DAPP1: variants seen among roughly 807,000 people sequenced by gnomAD.
The protein encoded by DAPP1 is dual adapter for phosphotyrosine and 3-phosphotyrosine and 3-phosphoinositide.
DAPP1 carries 20 observed loss-of-function variants against 41.5 expected under a neutral mutation model. The ratio of observed to expected loss-of-function variants is 0.48; its 90% CI spans 0.34 to 0.70. The LOEUF (loss-of-function observed/expected upper bound fraction) is 0.70, where lower values mean the gene tolerates loss of function less well. Ranked by LOEUF, DAPP1 falls within the 30% of genes least tolerant of loss-of-function variation. DAPP1 has a pLI of 0.01. For missense variants in DAPP1, 233 were observed against 333.4 expected (o/e 0.70, Z 2.35); for synonymous variants, 113 against 116.2 (o/e 0.97, Z 0.18).
At chr4:99,864,468 G>A (rs979578145) in intron 7 of DAPP1, among the ~76,000 whole-genome samples, 1 of 151,586 alleles carries the variant, frequency 6.6e-6, no homozygotes, top group African/African-American at 2.4e-5. Flanking sequence ...AGACATCATG[G>A]CACTTTATTC....
intron 3 of DAPP1, among the ~76,000 whole-genome samples, chr4:99,845,487 G>C (rs546890498): frequency 6.6e-6 from 1 of 152,176 alleles, no homozygotes; most frequent in African/African-American, 2.4e-5. Flanking sequence ...GCACAGCATG[G>C]CCTTTAATAA....
chr4:99,827,545 ACAAAAAAACAAAAC>A lies in DAPP1; in HGVS notation c.102-8077_102-8064del, dbSNP rs1722977286. Among the ~76,000 whole-genome samples, 5 of 118,628 alleles carry A rather than the reference ACAAAAAAACAAAAC, an allele frequency of 4.2e-5. No homozygotes were observed. In the South Asian group the frequency reaches 9.6e-4, roughly 23 times the overall value. 77.8% of individuals were successfully genotyped at this position (118,628 alleles called of 152,430 possible). A position where few individuals can be genotyped will look rare whatever the true frequency, so the allele number is the denominator to read the frequency against. The stretch of plus-strand genomic sequence containing the variant: ...CAGACTACGTCTCAAAAAAAAAACA[ACAAAAAAACAAAAC>A]AAAAAACACCATCACACTTATAAGT... On this transcript the variant is annotated intron_variant, in intron 1 of 8. Transcript: ENST00000512369.
intron 2 of DAPP1, among the ~76,000 whole-genome samples, chr4:99,837,155 G>T (rs187473409): frequency 6.6e-6 from 1 of 152,220 alleles, no homozygotes; most frequent in Admixed American, 6.5e-5. Context: ...GTTTTACAGG[G>T]CTCATGTGAT....
intron 4 of DAPP1, among the ~76,000 whole-genome samples, chr4:99,857,595 G>A (rs958922551): frequency 7.3e-5 from 11 of 150,106 alleles, no homozygotes; most frequent in East Asian, 3.9e-4. Flanking sequence ...TTCCTTGCAC[G>A]TTGCCCTTTT....
chr4:99,842,322 A>G (rs1723520998), intron 3 of DAPP1, among the ~76,000 whole-genome samples: 1 of 152,224 alleles, frequency 6.6e-6, no homozygotes, highest in Non-Finnish European at 1.5e-5. Context: ...ATTTATTACA[A>G]TATAACTCAG....
chr4:99,829,655 C>T (rs1257971100), intron 1 of DAPP1, among the ~76,000 whole-genome samples: 1 of 152,038 alleles, frequency 6.6e-6, no homozygotes, highest in Non-Finnish European at 1.5e-5. Context: ...TCCTCACCAA[C>T]AATTATAAAA....
intron 3 of DAPP1, among the ~76,000 whole-genome samples, chr4:99,852,146 C>T (rs184849994): frequency 6.6e-6 from 1 of 152,012 alleles, no homozygotes; most frequent in Non-Finnish European, 1.5e-5. Flanking sequence ...AACATAAGCT[C>T]GATAAGAGCA....
chr4:99,829,807 A>G (rs758454070), intron 1 of DAPP1, among the ~76,000 whole-genome samples: 24 of 152,198 alleles, frequency 1.6e-4, no homozygotes, highest in Non-Finnish European at 2.5e-4. Context: ...ACATGAAGAG[A>G]CAATCAAATA....
intron 1 of DAPP1, among the ~76,000 whole-genome samples, chr4:99,832,313 G>A (rs1463424974): frequency 6.6e-6 from 1 of 152,188 alleles, no homozygotes; most frequent in Admixed American, 6.5e-5. Flanking sequence ...CTTATCAAAG[G>A]TGGACATATT....
At chr4:99,844,873 TTAAA>T (rs1258158243) in intron 3 of DAPP1, among the ~76,000 whole-genome samples, 2 of 152,248 alleles carry the variant, frequency 1.3e-5, no homozygotes, top group Non-Finnish European at 2.9e-5. Flanking sequence ...GGTGATATTT[TTAAA>T]TAATGTGGTT....
chr4:99,839,008 C>T (rs62305038), intron 2 of DAPP1, among the ~76,000 whole-genome samples: 49,542 of 151,930 alleles, frequency 0.33, 8,641 homozygotes, highest in African/African-American at 0.43. Flanking sequence ...AGAGAAAGAC[C>T]GTTTCAGGAA....
At chr4:99,851,084 T>A (rs534802102) in intron 3 of DAPP1, among the ~76,000 whole-genome samples, 10 of 152,242 alleles carry the variant, frequency 6.6e-5, no homozygotes, top group African/African-American at 9.6e-5. Flanking sequence ...AGCGCTGAAT[T>A]TACCATGCAT....
At chr4:99,819,747 G>A (rs556520879) in intron 1 of DAPP1, among the ~76,000 whole-genome samples, 22 of 151,608 alleles carry the variant, frequency 1.5e-4, no homozygotes, top group African/African-American at 4.6e-4. Context: ...AAATCCTTAC[G>A]TTTATGTTTT....
intron 3 of DAPP1, among the ~76,000 whole-genome samples, chr4:99,846,509 A>G (rs1723668876): frequency 6.6e-6 from 1 of 152,226 alleles, no homozygotes; most frequent in African/African-American, 2.4e-5. Context: ...GATTCTTAGC[A>G]TAGTATAAGT....
At position 99,869,234 on chromosome 4, in the gene DAPP1, A is replaced by T. The variant is rs1724566039; in HGVS notation, c.*1049A>T. 1 of 152,244 alleles carries T rather than the reference A, an allele frequency of 6.6e-6. No homozygotes were observed. The highest frequency in any genetic ancestry group is 1.5e-5 in the Non-Finnish European group (1 of 68,042). 9.4% of individuals were successfully genotyped at this position (152,244 alleles called of 1,614,324 possible). On this transcript the variant is annotated 3_prime_UTR_variant, in exon 9 of 9. Coordinates refer to ENST00000512369, the MANE Select transcript of DAPP1 (RefSeq NM_014395.3). ...GAGTAACACTAAAGCTACAAGAAAT[A>T]TGTAATAATGATAGGTAATAATGTG...
Position 99,869,571 on chromosome 4 carries a change from G to A in DAPP1, c.*1386G>A, listed in dbSNP as rs1724576134. 6.6e-6 allele frequency: 1 copy of A among 152,138 alleles called. No individual in the cohort carries two copies. The highest frequency in any genetic ancestry group is 1.5e-5 in the Non-Finnish European group (1 of 68,030). The allele number at this position is 152,138 out of a possible 1,614,324, so 9.4% of individuals were successfully genotyped here. A position where few individuals can be genotyped will look rare whatever the true frequency, so the allele number is the denominator to read the frequency against. ...TTCAACAACATTTTAAATGTATTTT[G>A]TTATGTTTGTATTATATAGGATAAA... On this transcript the variant is annotated 3_prime_UTR_variant, in exon 9 of 9. Transcript: ENST00000512369.
At chr4:99,862,769 C>T (rs1724284458) in intron 5 of DAPP1, among the ~76,000 whole-genome samples, 1 of 151,056 alleles carries the variant, frequency 6.6e-6, no homozygotes, top group African/African-American at 2.4e-5. Flanking sequence ...TATTTTGAAA[C>T]TTTTTTCTCA....
chr4:99,834,857 C>T lies in DAPP1; in HGVS notation c.102-766C>T, dbSNP rs780951286. Among the ~76,000 whole-genome samples the T allele has an allele frequency of 3.3e-4, 50 of 152,164 alleles. 1 individual carries two copies. Among genetic ancestry groups the T allele is most frequent in the Non-Finnish European group, 5.0e-4 (34 of 68,012 alleles). ...AACAGGATTGGTTCCTTCCGAGGGC[C>T]GTGAGGGAGAATCTGTTCCAGGCCT... is the stretch of plus-strand genomic sequence containing the variant. On this transcript the variant is annotated intron_variant, in intron 1 of 8. Transcript: ENST00000512369.
At chr4:99,858,849 A>G (rs542218461) in intron 4 of DAPP1, among the ~76,000 whole-genome samples, 1 of 152,006 alleles carries the variant, frequency 6.6e-6, no homozygotes, top group Non-Finnish European at 1.5e-5. Context: ...CCAGTCGGGG[A>G]AAGAGCCCTT....
Sources: gnomAD v4.1 joint callset for allele counts (sites outside exome capture counted in the v4.1 genomes callset) on GRCh38, gnomAD v4.1.1 for gene constraint, MANE v1.5 for transcripts, NCBI Gene and HGNC (gene_info 2026-07-23, HGNC 2026-07-21) for gene names.